Variants in WWOX observed in about 807,000 individuals in gnomAD.
WWOX encodes WW domain containing oxidoreductase, also known as WW domain-containing oxidoreductase.
WWOX carries 69 observed loss-of-function variants against 46.2 expected under a neutral mutation model. The observed-to-expected ratio is 1.49, with a 90% confidence interval of 1.23 to 1.82. WWOX has a LOEUF of 1.82. WWOX is among the 40% of genes most tolerant of loss of function. WWOX has a pLI of 0.00. For synonymous variants in WWOX, 359 were observed against 202.6 expected (o/e 1.77, Z -6.56); for missense variants, 919 against 542.6 (o/e 1.69, Z -6.89).
chr16:78,633,585 C>G (rs1427054765), intron 8 of WWOX, among the ~76,000 whole-genome samples: 3 of 152,196 alleles, frequency 2.0e-5, no homozygotes, highest in African/African-American at 4.8e-5. Flanking sequence ...GCTGGCAGGC[C>G]TCTGGCTTCA....
At chr16:78,271,073 C>G (rs1226461615) in intron 5 of WWOX, among the ~76,000 whole-genome samples, 1 of 152,158 alleles carries the variant, frequency 6.6e-6, no homozygotes, top group East Asian at 1.9e-4. Flanking sequence ...ATTTATCGAT[C>G]TTTAGAATTA....
intron 8 of WWOX, among the ~76,000 whole-genome samples, chr16:78,954,964 A>G (rs1052062425): frequency 6.6e-6 from 1 of 151,996 alleles, no homozygotes. Flanking sequence ...TAATTTTTAA[A>G]TTTTTTGTAG....
chr16:78,520,458 T>C (rs530720838), intron 8 of WWOX, among the ~76,000 whole-genome samples: 3 of 152,296 alleles, frequency 2.0e-5, no homozygotes, highest in East Asian at 1.9e-4. Flanking sequence ...TACACACATA[T>C]TTTGCAGACA....
intron 8 of WWOX, among the ~76,000 whole-genome samples, chr16:78,917,878 T>A (rs1327108404): frequency 1.3e-5 from 2 of 152,178 alleles, no homozygotes; most frequent in African/African-American, 4.8e-5. Context: ...AAGTGAGATC[T>A]TGTTTTTTAA....
intron 8 of WWOX, among the ~76,000 whole-genome samples, chr16:78,543,160 C>T (rs114336288): frequency 1.7e-3 from 264 of 152,312 alleles, no homozygotes; most frequent in African/African-American, 5.7e-3. Context: ...CTTATAGAGT[C>T]TGTGATCTCA....
At chr16:78,463,198 T>C (rs1003780343) in intron 8 of WWOX, among the ~76,000 whole-genome samples, 16 of 152,350 alleles carry the variant, frequency 1.1e-4, no homozygotes, top group Non-Finnish European at 2.1e-4. Flanking sequence ...TGAGGAATTA[T>C]ACACTTGAGC....
At chr16:78,829,839 T>C (rs1290040997) in intron 8 of WWOX, among the ~76,000 whole-genome samples, 2 of 152,138 alleles carry the variant, frequency 1.3e-5, no homozygotes, top group South Asian at 2.1e-4. Flanking sequence ...TGCTAGCATT[T>C]TTCTTTGAGT....
intron 8 of WWOX, among the ~76,000 whole-genome samples, chr16:78,598,892 A>G (rs575678693): frequency 9.8e-5 from 15 of 152,296 alleles, no homozygotes; most frequent in African/African-American, 3.4e-4. Flanking sequence ...TGTTCTAAAC[A>G]CATGACACCA....
intron 8 of WWOX, among the ~76,000 whole-genome samples, chr16:78,696,690 G>T (rs1461133917): frequency 6.6e-6 from 1 of 152,016 alleles, no homozygotes; most frequent in East Asian, 1.9e-4. Context: ...TGTTTTGGGG[G>T]GGGTACAGGT....
intron 5 of WWOX, among the ~76,000 whole-genome samples, chr16:78,326,083 C>T (rs972136513): frequency 1.3e-5 from 2 of 152,136 alleles, no homozygotes; most frequent in Admixed American, 6.5e-5. Context: ...CTCTGTCTGC[C>T]TCTAAACTCT....
intron 8 of WWOX, among the ~76,000 whole-genome samples, chr16:78,775,350 C>A (rs928114379): frequency 1.3e-5 from 2 of 152,186 alleles, no homozygotes; most frequent in African/African-American, 4.8e-5. Context: ...TCCCCACCCC[C>A]ACGAACATGT....
intron 8 of WWOX, among the ~76,000 whole-genome samples, chr16:79,108,996 C>T (rs889880410): frequency 6.6e-6 from 1 of 151,896 alleles, no homozygotes; most frequent in South Asian, 2.1e-4. Context: ...TTCTCCCCAT[C>T]AGCCTGGCAT....
chr16:78,750,627 C>T (rs1255907501), intron 8 of WWOX, among the ~76,000 whole-genome samples: 1 of 151,996 alleles, frequency 6.6e-6, no homozygotes, highest in African/African-American at 2.4e-5. Context: ...GTTTTTCAAT[C>T]CTTTTCTCCT....
intron 8 of WWOX, among the ~76,000 whole-genome samples, chr16:78,689,523 C>T (rs187679303): frequency 6.6e-6 from 1 of 152,202 alleles, no homozygotes; most frequent in African/African-American, 2.4e-5. Flanking sequence ...TCTTCATAGT[C>T]CAGTCTTTGT....
chr16:78,756,807 T>G (rs2049660403), intron 8 of WWOX: 8 of 555,694 alleles, frequency 1.4e-5, no homozygotes, highest in Middle Eastern at 2.9e-4. Flanking sequence ...CTCAGCATAG[T>G]CTTCTCGGAC....
chr16:78,286,332 T>G (rs1254864605), intron 5 of WWOX, among the ~76,000 whole-genome samples: 1 of 152,248 alleles, frequency 6.6e-6, no homozygotes, highest in African/African-American at 2.4e-5. Context: ...TGTTTTGAAG[T>G]AGATTTTTTT....
chr16:78,636,689 C>T (rs942422808), intron 8 of WWOX, among the ~76,000 whole-genome samples: 2 of 152,120 alleles, frequency 1.3e-5, no homozygotes, highest in African/African-American at 4.8e-5. Context: ...TGCTCACTTA[C>T]TGAGGTGTGT....
At chr16:78,113,772 G>C (rs767846156) in intron 3 of WWOX, among the ~76,000 whole-genome samples, 1 of 152,190 alleles carries the variant, frequency 6.6e-6, no homozygotes, top group Non-Finnish European at 1.5e-5. Flanking sequence ...GTCTAGCATA[G>C]AACTGCTCTG....
intron 8 of WWOX, among the ~76,000 whole-genome samples, chr16:78,833,553 C>G (rs1281281153): frequency 1.3e-5 from 2 of 152,124 alleles, no homozygotes; most frequent in African/African-American, 4.8e-5. Flanking sequence ...TATCATAACC[C>G]CAGTAGGCTT....
Sources: allele counts gnomAD v4.1 joint callset (sites outside exome capture counted in the v4.1 genomes callset), GRCh38; gene constraint gnomAD v4.1.1; transcripts MANE v1.5; gene names NCBI Gene and HGNC (gene_info 2026-07-23, HGNC 2026-07-21).